MYO18A: variants seen among roughly 807,000 people sequenced by gnomAD.
The protein encoded by MYO18A is myosin XVIIIA.
MYO18A carries 78 observed loss-of-function variants against 235.8 expected under a neutral mutation model. The ratio of observed to expected loss-of-function variants is 0.33; its 90% CI spans 0.28 to 0.40. MYO18A has a LOEUF of 0.40. Among genes scored for constraint, MYO18A ranks in the 10% least tolerant of loss-of-function variants. The pLI is 1.00. For missense variants in MYO18A, 2,215 were observed against 2,699.3 expected (o/e 0.82, Z 3.98); for synonymous variants, 977 against 1,077.8 (o/e 0.91, Z 1.83).
chr17:29,130,478 A>C (rs778241364), intron 2 of MYO18A, among the ~76,000 whole-genome samples: 498 of 19,798 alleles, frequency 0.025, 5 homozygotes, highest in Non-Finnish European at 0.022. Flanking sequence ...CCTCTCCCAC[A>C]CACACACACA....
In MYO18A at chr17:29,120,636, C is replaced by A; in HGVS notation, c.1708G>T (p.Val570Leu). The change falls in exon 7 of 42, where the codon GTG becomes TTG. Residue 570 changes from valine to leucine, a missense_variant. Coordinates refer to ENST00000527372, the MANE Select transcript of MYO18A (RefSeq NM_078471.4). This position sits in a 1 kb window ranked among gnomAD's most constrained non-coding sequence, Gnocchi z 4.2. ...CTCACCTGAATGGAGGCTGAGGCCA[C>A]CTGGCCAGCTTGGTCAAAGTCCAGG... ...LSLDFDQAGQ[V>L]ASASIQTMLL... 6.2e-7 allele frequency: 1 copy of A among 1,613,836 alleles called. No homozygotes were observed. The highest frequency in any genetic ancestry group is 8.5e-7 in the Non-Finnish European group (1 of 1,179,792).
rs2066387157 is a variant in MYO18A, at chr17:29,091,058, G to A, written c.5188-132C>T. On this transcript the variant is annotated intron_variant, in intron 34 of 41. Transcript: ENST00000527372. The stretch of plus-strand genomic sequence containing the variant: ...GCCTGCCTGCTGGGGTGGGTCCCAG[G>A]ACTAGTGATGCTCAAGGAGCTGCCT... 3 of 684,838 alleles carry A rather than the reference G, an allele frequency of 4.4e-6. No individual in the cohort carries two copies. The South Asian group carries it at 5.3e-5, about 12-fold the overall frequency. 42.4% of individuals were successfully genotyped at this position (684,838 alleles called of 1,614,324 possible).
At chr17:29,161,090 C>T (rs1281531476) in intron 2 of MYO18A, among the ~76,000 whole-genome samples, 1 of 152,144 alleles carries the variant, frequency 6.6e-6, no homozygotes, top group Non-Finnish European at 1.5e-5. Context: ...CTTGGTGGCT[C>T]ACGCCTATAA....
chr17:29,097,652 C>T, intron 26 of MYO18A, 136 bp downstream of exon 26: 1 of 775,292 alleles, frequency 1.3e-6, no homozygotes, highest in Non-Finnish European at 2.1e-6. Flanking sequence ...ATTGGCACCT[C>T]TGCCTTCTCA....
At position 29,110,488 on chromosome 17, in the gene MYO18A, C is replaced by T. The variant is rs910829086; in HGVS notation, c.3035G>A (p.Gly1012Asp). 1 of 1,602,026 alleles carries T rather than the reference C, an allele frequency of 6.2e-7. No individual in the cohort carries two copies. The highest frequency in any genetic ancestry group is 1.1e-5 in the South Asian group (1 of 88,734). The change falls in exon 18 of 42, where the codon GGC (glycine) becomes GAC (aspartate). Residue 1012 changes from glycine (G) to aspartate (D), a missense_variant. Coordinates refer to ENST00000527372, the MANE Select transcript of MYO18A (RefSeq NM_078471.4). ...TGACTTCTTTTTGACAGCCGCCATG[C>T]CTGTGGTAAAGGTTTTCCGCATGCT... ...ATSMRKTFTT[G>D]MAAVKKKSLC... is the part of the protein sequence containing the mutation.
intron 2 of MYO18A, among the ~76,000 whole-genome samples, chr17:29,138,919 G>A (rs577873736): frequency 6.5e-4 from 99 of 152,322 alleles, no homozygotes; most frequent in African/African-American, 2.4e-3. Context: ...GGTTCCCAAT[G>A]ATGACCCGCC....
At chr17:29,110,667 T>C (rs776525473) in intron 17 of MYO18A, 45 bp from the exon 18 acceptor site, 3 of 1,564,636 alleles carry the variant, frequency 1.9e-6, no homozygotes, top group Non-Finnish European at 2.6e-6. Flanking sequence ...GTCACATCGA[T>C]GGAGCGGGAA....
chr17:29,079,696 C>T, intron 41 of MYO18A: 1 of 985,566 alleles, frequency 1.0e-6, no homozygotes, highest in Non-Finnish European at 1.2e-6. Flanking sequence ...GTGGGACACA[C>T]CATGCTGAAC....
chr17:29,099,329 C>T (rs566286432), intron 22 of MYO18A, among the ~76,000 whole-genome samples: 17 of 152,334 alleles, frequency 1.1e-4, no homozygotes, highest in Middle Eastern at 3.4e-3. Context: ...GTTTTATGGA[C>T]TTGCTAATAA....
chr17:29,108,136 G>T (rs1199694258), intron 19 of MYO18A, among the ~76,000 whole-genome samples: 1 of 152,016 alleles, frequency 6.6e-6, no homozygotes, highest in East Asian at 1.9e-4. Context: ...AGCACAGTGT[G>T]ACTCACTTGG....
Position 29,180,215 on chromosome 17 carries a change from C to T in MYO18A, c.-82+98G>A, listed in dbSNP as rs2068619313. On this transcript the variant is annotated intron_variant, in intron 1 of 41. Coordinates refer to ENST00000527372, the MANE Select transcript of MYO18A (RefSeq NM_078471.4). The surrounding 1 kb of genome is among the most constrained non-coding windows in gnomAD (Gnocchi z 6.1). ...AGGAGGAGGAGGAGCCGGCGGGCCC[C>T]GCCGCCCGCCCGCCCTCCCTCCCGG... 2 of 149,576 alleles carry T rather than the reference C, an allele frequency of 1.3e-5. No individual in the cohort carries two copies. The highest frequency in any genetic ancestry group is 2.4e-5 in the African/African-American group (1 of 41,110). 9.3% of individuals were successfully genotyped at this position (149,576 alleles called of 1,614,324 possible).
intron 2 of MYO18A, among the ~76,000 whole-genome samples, chr17:29,145,737 T>G (rs995458396): frequency 1.2e-4 from 19 of 152,164 alleles, no homozygotes; most frequent in Admixed American, 9.8e-4. Flanking sequence ...TAAAAAAATG[T>G]ACAGATCAGC....
At chr17:29,085,726 C>T in intron 39 of MYO18A, 78 bp from the exon 40 acceptor site, 2 of 1,469,412 alleles carry the variant, frequency 1.4e-6, no homozygotes, top group Non-Finnish European at 1.9e-6. Context: ...AGGTGGACCC[C>T]TTAGCTGAAG....
At chr17:29,098,042 G>C in intron 25 of MYO18A, 63 bp downstream of exon 25, 1 of 1,595,558 alleles carries the variant, frequency 6.3e-7, no homozygotes, top group Middle Eastern at 1.7e-4. Flanking sequence ...TTTGGGGGGA[G>C]CCAATGGGCA....
At chr17:29,161,355 C>CAAAAAAAAAAAAAAAAAAAAAAAAAAA (rs1175565325) in intron 2 of MYO18A, among the ~76,000 whole-genome samples, 1 of 50,310 alleles carries the variant, frequency 2.0e-5, no homozygotes, top group African/African-American at 6.6e-5. Flanking sequence ...AACTCCATGT[C>CAAAAAAAAAAAAAAAAAAAAAAAAAAA]AAAAAAAAAA....
chr17:29,091,679 G>C (rs554734646), intron 34 of MYO18A: 1 of 454,878 alleles, frequency 2.2e-6, no homozygotes, highest in South Asian at 1.6e-5. Flanking sequence ...TCAAGCCCGT[G>C]AGATTGGCAT....
intron 2 of MYO18A, chr17:29,128,581 C>G: frequency 8.4e-7 from 1 of 1,191,028 alleles, no homozygotes; most frequent in African/African-American, 1.6e-5. Context: ...ATTAGCATCA[C>G]CCCTGCAGCC....
At chr17:29,080,169 G>A in intron 41 of MYO18A, 3 of 986,042 alleles carry the variant, frequency 3.0e-6, no homozygotes, top group Non-Finnish European at 3.6e-6. Context: ...GGGCGCTCCG[G>A]GCACTTTGGA....
intron 1 of MYO18A, among the ~76,000 whole-genome samples, chr17:29,175,517 C>A (rs2152992080): frequency 6.6e-6 from 1 of 151,850 alleles, no homozygotes; most frequent in African/African-American, 2.4e-5. Flanking sequence ...GCACTCGCCA[C>A]CACACCCAGC....
Sources: gnomAD v4.1 joint callset for allele counts (sites outside exome capture counted in the v4.1 genomes callset) on GRCh38, gnomAD v4.1.1 for gene constraint, Gnocchi (gnomAD v3.1) non-coding constraint, MANE v1.5 for transcripts, NCBI Gene and HGNC (gene_info 2026-07-23, HGNC 2026-07-21) for gene names.